MFF: variants seen among roughly 807,000 people sequenced by gnomAD.
MFF encodes the protein chromosome 2 open reading frame 33.
MFF carries 12 observed loss-of-function variants against 36.9 expected under a neutral mutation model. The ratio of observed to expected loss-of-function variants is 0.33; its 90% CI spans 0.21 to 0.53. The LOEUF is 0.53. MFF is among the 20% of genes least tolerant of loss of function. The pLI is 0.95. For synonymous variants in MFF, 99 were observed against 126.2 expected (o/e 0.78, Z 1.44); for missense variants, 348 against 366.6 (o/e 0.95, Z 0.42).
In MFF at chr2:227,357,275, A is replaced by C. The variant is rs2076306341; in HGVS notation, c.*158A>C. 1.3e-6 allele frequency: 1 copy of C among 761,196 alleles called. No individual in the cohort carries two copies. The highest frequency in any genetic ancestry group is 1.7e-5 in the African/African-American group (1 of 59,204). The allele number at this position is 761,196 out of a possible 1,614,324, so 47.2% of individuals were successfully genotyped here. On this transcript the variant is annotated 3_prime_UTR_variant, in exon 9 of 9. Coordinates refer to ENST00000304593, the MANE Select transcript of MFF (RefSeq NM_001277062.2). Reference sequence around the variant, plus strand: ...GTCTGGAGGAAGGACCTATATTTGTAGAAGTAAAGGTATATTCTGTCACTC... The same window carrying C: ...GTCTGGAGGAAGGACCTATATTTGTCGAAGTAAAGGTATATTCTGTCACTC...
rs2076305748 is a variant in MFF at position 227,357,257 on chromosome 2, G to A, written c.*140G>A. ...ATGTATTTCTTCCAGAAAGTCTGGAGGAAGGACCTATATTTGTAGAAGTAA... is the reference window on the plus strand; with the variant it reads ...ATGTATTTCTTCCAGAAAGTCTGGAAGAAGGACCTATATTTGTAGAAGTAA... On this transcript the variant is annotated 3_prime_UTR_variant, in exon 9 of 9. Coordinates refer to ENST00000304593, the MANE Select transcript of MFF (RefSeq NM_001277062.2). 2.2e-6 allele frequency: 2 copies of A among 897,004 alleles called. No individual in the cohort carries two copies. The highest frequency in any genetic ancestry group is 3.4e-4 in the Middle Eastern group (1 of 2,918). 55.6% of individuals were successfully genotyped at this position (897,004 alleles called of 1,614,324 possible).
At position 227,342,809 on chromosome 2, in the gene MFF, C is replaced by G. The variant is rs368588231; in HGVS notation, c.440+2429C>G. On this transcript the variant is annotated intron_variant, in intron 5 of 8. Coordinates refer to ENST00000304593, the MANE Select transcript of MFF (RefSeq NM_001277062.2). Reference sequence around the variant, plus strand: ...AAGGTTCCAGGCACCGATTTCTGCACCGGAGTACACGTAAGATTTTATCTG... The same window carrying G: ...AAGGTTCCAGGCACCGATTTCTGCAGCGGAGTACACGTAAGATTTTATCTG... 3.1e-6 allele frequency: 5 copies of G among 1,613,280 alleles called. No homozygotes were observed. In the African/African-American group the frequency reaches 6.7e-5, roughly 22 times the overall value.
intron 5 of MFF, among the ~76,000 whole-genome samples, chr2:227,345,889 T>C (rs2075684614): frequency 6.6e-6 from 1 of 152,142 alleles, no homozygotes; most frequent in African/African-American, 2.4e-5. Context: ...CTAAATCCTA[T>C]AGTGAATCAG....
In MFF at chr2:227,357,805, G is replaced by A. The variant is rs1205521705; in HGVS notation, c.*688G>A. On this transcript the variant is annotated 3_prime_UTR_variant, in exon 9 of 9. Coordinates refer to ENST00000304593, the MANE Select transcript of MFF (RefSeq NM_001277062.2). ...AACGACAGAATAAGGTACAAATGTA[G>A]TGTATTTAATAAACTGTCAACCAAA... 1 of 152,230 alleles carries A rather than the reference G, an allele frequency of 6.6e-6. No homozygotes were observed. The highest frequency in any genetic ancestry group is 1.5e-5 in the Non-Finnish European group (1 of 68,044). The allele number at this position is 152,230 out of a possible 1,614,324, so 9.4% of individuals were successfully genotyped here.
intron 4 of MFF, among the ~76,000 whole-genome samples, chr2:227,337,137 A>T (rs191761457): frequency 1.3e-5 from 2 of 152,378 alleles, no homozygotes; most frequent in African/African-American, 4.8e-5. Flanking sequence ...ACATTCATGC[A>T]TGGAAAATTC....
intron 6 of MFF, among the ~76,000 whole-genome samples, chr2:227,348,358 A>G (rs892044678): frequency 5.3e-5 from 8 of 152,142 alleles, no homozygotes; most frequent in African/African-American, 1.9e-4. Flanking sequence ...GCACCTGTCC[A>G]TGCTACTTAT....
intron 2 of MFF, chr2:227,329,632 T>G (rs2074421978): frequency 2.6e-6 from 2 of 755,684 alleles, no homozygotes; most frequent in Non-Finnish European, 4.8e-6. Context: ...CGTGTTGTTA[T>G]GTACACCTCC....
At chr2:227,331,785 A>G (rs1044526030) in intron 3 of MFF, among the ~76,000 whole-genome samples, 5 of 152,086 alleles carry the variant, frequency 3.3e-5, no homozygotes, top group African/African-American at 1.2e-4. Context: ...GTCCATTTAT[A>G]TATATTTGTT....
chr2:227,333,142 G>A (rs1437166242), intron 4 of MFF, among the ~76,000 whole-genome samples: 1 of 152,198 alleles, frequency 6.6e-6, no homozygotes. Context: ...CTGCTTTGCC[G>A]TGATGATTGC....
chr2:227,326,106 C>T (rs1376048066), intron 1 of MFF, among the ~76,000 whole-genome samples: 1 of 151,824 alleles, frequency 6.6e-6, no homozygotes, highest in Non-Finnish European at 1.5e-5. Context: ...ACGTGTGCTA[C>T]TATTACTATC....
chr2:227,345,123 C>T (rs1053951458), intron 5 of MFF, among the ~76,000 whole-genome samples: 6 of 152,116 alleles, frequency 3.9e-5, no homozygotes, highest in African/African-American at 9.7e-5. Context: ...TTATGTTTGA[C>T]TATTTTATAA....
intron 1 of MFF, among the ~76,000 whole-genome samples, chr2:227,326,321 A>C (rs925920379): frequency 6.6e-6 from 1 of 152,024 alleles, no homozygotes; most frequent in African/African-American, 2.4e-5. Flanking sequence ...ATGATCACAA[A>C]TGTTTTGTCT....
At chr2:227,336,996 A>G (rs1300001305) in intron 4 of MFF, among the ~76,000 whole-genome samples, 1 of 152,340 alleles carries the variant, frequency 6.6e-6, no homozygotes, top group East Asian at 1.9e-4. Context: ...GTCTGATCAC[A>G]CTTTGGTGAT....
chr2:227,328,019 G>A (rs193201905), intron 1 of MFF, among the ~76,000 whole-genome samples: 51 of 152,212 alleles, frequency 3.4e-4, no homozygotes, highest in Non-Finnish European at 5.4e-4. Context: ...TATAGCTTGC[G>A]TACTTTGTAC....
At chr2:227,332,017 G>A (rs2074622402) in intron 3 of MFF, among the ~76,000 whole-genome samples, 3 of 123,934 alleles carry the variant, frequency 2.4e-5, no homozygotes, top group Admixed American at 1.9e-4. Context: ...TGTCGCCCAG[G>A]CTGGAGTGCA....
At position 227,331,959 on chromosome 2, in the gene MFF, A is replaced by AT. The variant is rs10549336; in HGVS notation, c.182-430dup. On this transcript the variant is annotated intron_variant, in intron 3 of 8. Coordinates refer to ENST00000304593, the MANE Select transcript of MFF (RefSeq NM_001277062.2). Reference sequence around the variant, plus strand: ...AGTGAAATGTCAATACGCTGGAAGCATTTTTTTTTTTTTTTTTTTTTTTTT... The same window carrying AT: ...AGTGAAATGTCAATACGCTGGAAGCATTTTTTTTTTTTTTTTTTTTTTTTTT... Among the ~76,000 whole-genome samples the AT allele has an allele frequency of 2.1e-3, 165 of 76,756 alleles. 40 individuals are homozygous for AT. Among genetic ancestry groups the AT allele is most frequent in the Non-Finnish European group, 2.5e-3 (96 of 38,338 alleles). 50.4% of individuals were successfully genotyped at this position (76,756 alleles called of 152,430 possible).
chr2:227,342,644 C>A, intron 5 of MFF: 2 of 895,466 alleles, frequency 2.2e-6, no homozygotes, highest in Non-Finnish European at 3.5e-6. Flanking sequence ...TTGTGGTCAG[C>A]TATTAGCGCA....
intron 1 of MFF, among the ~76,000 whole-genome samples, chr2:227,327,004 C>G (rs1346488185): frequency 6.6e-6 from 1 of 151,886 alleles, no homozygotes; most frequent in Non-Finnish European, 1.5e-5. Context: ...CTAGGCGGTA[C>G]GTGGATGAGG....
intron 6 of MFF, among the ~76,000 whole-genome samples, chr2:227,347,884 A>G (rs902373300): frequency 1.3e-5 from 2 of 152,218 alleles, no homozygotes; most frequent in African/African-American, 4.8e-5. Context: ...TCCAGGTGCT[A>G]TCATCTTTTT....
Sources: gnomAD v4.1 joint callset for allele counts (sites outside exome capture counted in the v4.1 genomes callset) on GRCh38, gnomAD v4.1.1 for gene constraint, MANE v1.5 for transcripts, NCBI Gene and HGNC (gene_info 2026-07-23, HGNC 2026-07-21) for gene names.